SYNDIG1: variants seen among roughly 807,000 people sequenced by gnomAD.
The protein encoded by SYNDIG1 is synapse differentiation inducing 1.
A neutral mutation model predicts 19.4 loss-of-function variants in SYNDIG1; 9 were observed. The ratio of observed to expected loss-of-function variants is 0.46; its 90% confidence interval spans 0.28 to 0.81. The LOEUF is 0.81. Among genes scored for constraint, SYNDIG1 ranks in the 30% least tolerant of loss-of-function variants. The pLI is 0.12. For missense variants in SYNDIG1, 311 were observed against 343.3 expected (o/e 0.91, Z 0.74); for synonymous variants, 141 against 145.9 (o/e 0.97, Z 0.24).
At chr20:24,551,963 G>A (rs2146801342) in intron 2 of SYNDIG1, among the ~76,000 whole-genome samples, 1 of 152,264 alleles carries the variant, frequency 6.6e-6, no homozygotes, top group South Asian at 2.1e-4. Context: ...CCTGCAAAGT[G>A]TTTTATACAG....
intron 1 of SYNDIG1, among the ~76,000 whole-genome samples, chr20:24,521,184 C>A (rs1600509759): frequency 6.6e-6 from 1 of 152,184 alleles, no homozygotes; most frequent in East Asian, 1.9e-4. Flanking sequence ...TTCAGGGTAG[C>A]ATATGCCATA....
chr20:24,569,041 A>G (rs2058098495), intron 2 of SYNDIG1, among the ~76,000 whole-genome samples: 2 of 152,176 alleles, frequency 1.3e-5, no homozygotes, highest in Non-Finnish European at 2.9e-5. Flanking sequence ...CTGTGAGGAG[A>G]CAGTGCAGGT....
chr20:24,482,937 T>G (rs996572297), intron 1 of SYNDIG1, among the ~76,000 whole-genome samples: 5 of 152,152 alleles, frequency 3.3e-5, no homozygotes, highest in African/African-American at 1.2e-4. Flanking sequence ...CCATGAAGAG[T>G]AGAATGGAAA....
At chr20:24,663,850 T>C (rs982528167) in intron 3 of SYNDIG1, among the ~76,000 whole-genome samples, 2 of 152,116 alleles carry the variant, frequency 1.3e-5, no homozygotes, top group Non-Finnish European at 2.9e-5. Flanking sequence ...TAATGAGCAA[T>C]GACTCTTTCA....
At chr20:24,585,019 G>T in intron 3 of SYNDIG1, 26 bp downstream of exon 3, 3 of 1,602,354 alleles carry the variant, frequency 1.9e-6, no homozygotes, top group Non-Finnish European at 1.7e-6. Context: ...TCTGTCGCAC[G>T]TGGTGTGCAG....
chr20:24,505,232 G>C (rs1445879699), intron 1 of SYNDIG1, among the ~76,000 whole-genome samples: 1 of 152,086 alleles, frequency 6.6e-6, no homozygotes, highest in African/African-American at 2.4e-5. Context: ...AAGAGTCATT[G>C]AGAAGTCATT....
intron 1 of SYNDIG1, among the ~76,000 whole-genome samples, chr20:24,535,009 A>T (rs550721500): frequency 6.6e-6 from 1 of 152,300 alleles, no homozygotes; most frequent in South Asian, 2.1e-4. Flanking sequence ...TTTCACTTGC[A>T]TTGAGAGATG....
At chr20:24,652,387 C>G (rs565088611) in intron 3 of SYNDIG1, among the ~76,000 whole-genome samples, 1 of 152,088 alleles carries the variant, frequency 6.6e-6, no homozygotes, top group East Asian at 1.9e-4. Flanking sequence ...GCTGCCTTAC[C>G]GAGGAACGTT....
chr20:24,507,538 C>A (rs1348299606), intron 1 of SYNDIG1, among the ~76,000 whole-genome samples: 2 of 152,190 alleles, frequency 1.3e-5, no homozygotes, highest in African/African-American at 4.8e-5. Flanking sequence ...GGAACCCAGC[C>A]CTTGCCACAC....
intron 3 of SYNDIG1, among the ~76,000 whole-genome samples, chr20:24,588,159 C>T (rs564675552): frequency 2.6e-5 from 4 of 152,174 alleles, no homozygotes; most frequent in Admixed American, 6.5e-5. Context: ...CCAGGGTGTG[C>T]GGTTAGCTGA....
rs555062406 is a variant in SYNDIG1 at position 24,658,379 on chromosome 20, T to G, written c.619-6967T>G. 1.1e-4 allele frequency among the ~76,000 whole-genome samples: 16 copies of G among 152,038 alleles called. No homozygotes were observed. The highest frequency in any genetic ancestry group is 3.9e-4 in the African/African-American group (16 of 41,484). On this transcript the variant is annotated intron_variant, in intron 3 of 3. Transcript: ENST00000376862. The surrounding 1 kb of genome is among the most constrained non-coding windows in gnomAD (Gnocchi z 4.4). ...ACTCTGCCTCGGGGTCACTGAGAAC[T>G]GGGTCCCTGATGGCCGGTGCTCCTC...
At chr20:24,585,642 G>A (rs1195421001) in intron 3 of SYNDIG1, among the ~76,000 whole-genome samples, 1 of 152,174 alleles carries the variant, frequency 6.6e-6, no homozygotes, top group African/African-American at 2.4e-5. Flanking sequence ...TATTTGGAAG[G>A]AATTTTCTCT....
At chr20:24,638,499 A>G (rs970188614) in intron 3 of SYNDIG1, among the ~76,000 whole-genome samples, 6 of 152,150 alleles carry the variant, frequency 3.9e-5, no homozygotes, top group Admixed American at 3.9e-4. Flanking sequence ...CTGGGACTAC[A>G]AACATGTACC....
intron 3 of SYNDIG1, among the ~76,000 whole-genome samples, chr20:24,633,785 A>T (rs1304486357): frequency 2.6e-5 from 4 of 152,130 alleles, no homozygotes; most frequent in Non-Finnish European, 5.9e-5. Flanking sequence ...CACATGCTGA[A>T]GTCAGCCTGT....
At chr20:24,599,982 C>T (rs2058655351) in intron 3 of SYNDIG1, among the ~76,000 whole-genome samples, 3 of 152,174 alleles carry the variant, frequency 2.0e-5, no homozygotes, top group Non-Finnish European at 2.9e-5. Flanking sequence ...ACCTTAAATA[C>T]CCTGACTTGA....
At chr20:24,612,729 G>T (rs901756522) in intron 3 of SYNDIG1, among the ~76,000 whole-genome samples, 1 of 152,188 alleles carries the variant, frequency 6.6e-6, no homozygotes, top group Non-Finnish European at 1.5e-5. Context: ...AAGGGTTCCA[G>T]CTCTTAGTGG....
chr20:24,619,381 A>G (rs1358335868), intron 3 of SYNDIG1, among the ~76,000 whole-genome samples: 5 of 152,224 alleles, frequency 3.3e-5, no homozygotes, highest in African/African-American at 9.6e-5. Flanking sequence ...CATTGTCATC[A>G]TCAAGTCTGT....
At chr20:24,474,951 C>G (rs2055574256) in intron 1 of SYNDIG1, among the ~76,000 whole-genome samples, 1 of 152,196 alleles carries the variant, frequency 6.6e-6, no homozygotes, top group South Asian at 2.1e-4. Flanking sequence ...TCCATTGCCT[C>G]AACTTTAAAC....
intron 2 of SYNDIG1, among the ~76,000 whole-genome samples, chr20:24,575,708 G>C (rs1055371337): frequency 1.8e-4 from 27 of 152,092 alleles, no homozygotes; most frequent in Admixed American, 5.9e-4. Flanking sequence ...CCTCCTCAAA[G>C]AATATAAAAT....
Sources: allele counts gnomAD v4.1 joint callset (sites outside exome capture counted in the v4.1 genomes callset), GRCh38; gene constraint gnomAD v4.1.1; non-coding constraint Gnocchi (gnomAD v3.1); transcripts MANE v1.5; gene names NCBI Gene and HGNC (gene_info 2026-07-23, HGNC 2026-07-21).